Variants in ZHX2 observed in about 807,000 individuals in gnomAD.
The protein encoded by ZHX2 is zinc fingers and homeoboxes 2, also known as zinc fingers and homeoboxes protein 2.
A neutral mutation model predicts 21.9 loss-of-function variants in ZHX2; 6 were observed. The observed-to-expected ratio is 0.27, with a 90% CI of 0.15 to 0.54. The LOEUF is 0.54. Ranked by LOEUF, ZHX2 falls within the 20% of genes least tolerant of loss-of-function variation. The probability of loss-of-function intolerance (pLI) is 0.95; values close to 1 mark genes in which losing one functional copy is unlikely to be tolerated. For missense variants in ZHX2, 908 were observed against 1,090.7 expected (o/e 0.83, Z 2.36); for synonymous variants, 434 against 437.1 (o/e 0.99, Z 0.09).
chr8:122,790,597 T>C (rs914530095), intron 1 of ZHX2, among the ~76,000 whole-genome samples: 2 of 152,110 alleles, frequency 1.3e-5, no homozygotes, highest in African/African-American at 4.8e-5. Context: ...TGGGATTCTG[T>C]TTTGTTTTTT....
intron 2 of ZHX2, among the ~76,000 whole-genome samples, chr8:122,902,469 T>C (rs1362848248): frequency 6.6e-6 from 1 of 152,206 alleles, no homozygotes; most frequent in Non-Finnish European, 1.5e-5. Context: ...AGTACCTACC[T>C]CAAGGAGTTG....
chr8:122,956,337 C>CTGT (rs2130312951), intron 3 of ZHX2, among the ~76,000 whole-genome samples: 1 of 152,336 alleles, frequency 6.6e-6, no homozygotes, highest in Admixed American at 6.5e-5. Flanking sequence ...AGTACCCATT[C>CTGT]ACTGTGGAGC....
At chr8:122,887,431 T>C (rs553640779) in intron 2 of ZHX2, among the ~76,000 whole-genome samples, 2 of 151,778 alleles carry the variant, frequency 1.3e-5, no homozygotes, top group East Asian at 3.9e-4. Flanking sequence ...GGCAAGAGAA[T>C]AGCTTGAACC....
At chr8:122,852,602 T>C (rs1586327756) in intron 1 of ZHX2, among the ~76,000 whole-genome samples, 3 of 152,142 alleles carry the variant, frequency 2.0e-5, no homozygotes, top group Admixed American at 2.0e-4. Context: ...CTTCTTTATC[T>C]GTAAATTTCA....
chr8:122,837,735 C>T (rs761446465), intron 1 of ZHX2, among the ~76,000 whole-genome samples: 4 of 152,182 alleles, frequency 2.6e-5, no homozygotes, highest in Non-Finnish European at 5.9e-5. Context: ...GCTCAATTTC[C>T]ATCCCTGCTG....
chr8:122,882,094 T>C (rs75946638), intron 2 of ZHX2, among the ~76,000 whole-genome samples: 1,895 of 152,276 alleles, frequency 0.012, 37 homozygotes, highest in African/African-American at 0.043. Flanking sequence ...TAACTGGAAG[T>C]TCTGATTTTA....
chr8:122,852,094 G>A (rs1456063442), intron 1 of ZHX2, among the ~76,000 whole-genome samples: 2 of 152,102 alleles, frequency 1.3e-5, no homozygotes, highest in South Asian at 2.1e-4. Context: ...GCAAAGCATC[G>A]TTCAGTGACT....
intron 2 of ZHX2, among the ~76,000 whole-genome samples, chr8:122,898,641 G>A (rs1293517550): frequency 2.0e-5 from 3 of 152,000 alleles, no homozygotes; most frequent in Admixed American, 6.6e-5. Context: ...AATATGTCTC[G>A]GCCACAGAAA....
intron 1 of ZHX2, among the ~76,000 whole-genome samples, chr8:122,843,499 T>C (rs2083909719): frequency 6.6e-6 from 1 of 152,228 alleles, no homozygotes; most frequent in Non-Finnish European, 1.5e-5. Flanking sequence ...CTACTGGTAG[T>C]GGCCTTTGGC....
At chr8:122,902,606 C>G (rs1372415506) in intron 2 of ZHX2, among the ~76,000 whole-genome samples, 1 of 152,144 alleles carries the variant, frequency 6.6e-6, no homozygotes, top group African/African-American at 2.4e-5. Flanking sequence ...GGTTCAAATC[C>G]CAGCTCTGCC....
intron 3 of ZHX2, among the ~76,000 whole-genome samples, chr8:122,968,311 C>T (rs11779459): frequency 0.4 from 60,600 of 151,826 alleles, 12,390 homozygotes; most frequent in Middle Eastern, 0.52. Context: ...CAGCAAGTTC[C>T]CCAACCCTAG....
chr8:122,872,641 C>T (rs1007530319), intron 2 of ZHX2, among the ~76,000 whole-genome samples: 2 of 152,194 alleles, frequency 1.3e-5, no homozygotes, highest in Non-Finnish European at 2.9e-5. Flanking sequence ...ATGAAAACAC[C>T]TATAACTCGT....
At chr8:122,848,407 A>G (rs1247270635) in intron 1 of ZHX2, among the ~76,000 whole-genome samples, 1 of 152,162 alleles carries the variant, frequency 6.6e-6, no homozygotes, top group African/African-American at 2.4e-5. Context: ...GTTTCAGCCC[A>G]GTGGCTCCCT....
intron 1 of ZHX2, among the ~76,000 whole-genome samples, chr8:122,857,950 C>T (rs777118498): frequency 5.9e-5 from 9 of 152,210 alleles, no homozygotes; most frequent in African/African-American, 1.9e-4. Context: ...ATGACATATG[C>T]GTTTTATTCC....
At chr8:122,909,438 G>GAA (rs111855596) in intron 2 of ZHX2, among the ~76,000 whole-genome samples, 1 of 125,674 alleles carries the variant, frequency 8.0e-6, no homozygotes. Flanking sequence ...GTCTCAAAAA[G>GAA]AAAAAAAAAA....
intron 1 of ZHX2, among the ~76,000 whole-genome samples, chr8:122,805,449 C>A (rs545132527): frequency 6.6e-6 from 1 of 152,114 alleles, no homozygotes; most frequent in Non-Finnish European, 1.5e-5. Flanking sequence ...ACACAGGTAC[C>A]GACAGTTAGA....
chr8:122,912,038 G>A (rs1057513814), intron 2 of ZHX2, among the ~76,000 whole-genome samples: 6 of 152,184 alleles, frequency 3.9e-5, no homozygotes, highest in African/African-American at 1.4e-4. Flanking sequence ...GAAAGAGACA[G>A]GCACTCAGGG....
chr8:122,846,661 T>C (rs575494592), intron 1 of ZHX2, among the ~76,000 whole-genome samples: 4 of 151,984 alleles, frequency 2.6e-5, no homozygotes, highest in Non-Finnish European at 5.9e-5. Context: ...ATAACCTTTG[T>C]CCTATGATGG....
chr8:122,869,139 ACTT>A (rs1176605428), intron 2 of ZHX2, among the ~76,000 whole-genome samples: 1 of 152,038 alleles, frequency 6.6e-6, no homozygotes, highest in Non-Finnish European at 1.5e-5. Flanking sequence ...CTAGAGCAGA[ACTT>A]CTCCACAGCC....
Sources: gnomAD v4.1 joint callset for allele counts (sites outside exome capture counted in the v4.1 genomes callset) on GRCh38, gnomAD v4.1.1 for gene constraint, MANE v1.5 for transcripts, NCBI Gene and HGNC (gene_info 2026-07-23, HGNC 2026-07-21) for gene names.